FA2H: variants seen among roughly 807,000 people sequenced by gnomAD.
The protein encoded by FA2H is fatty acid alpha-hydroxylase.
Under a neutral mutation model 44.9 loss-of-function variants are expected in FA2H, and 22 were observed. The observed-to-expected ratio is 0.49, with a 90% CI of 0.35 to 0.70. The LOEUF (loss-of-function observed/expected upper bound fraction) is 0.70. FA2H is among the 30% of genes least tolerant of loss of function. The probability of loss-of-function intolerance (pLI) is 0.01; values close to 1 mark genes in which losing one functional copy is unlikely to be tolerated. For missense variants in FA2H, 501 were observed against 504.9 expected (o/e 0.99, Z 0.07); for synonymous variants, 243 against 213.2 (o/e 1.14, Z -1.22).
intron 1 of FA2H, among the ~76,000 whole-genome samples, chr16:74,767,231 C>G (rs1962826385): frequency 6.6e-6 from 1 of 152,018 alleles, no homozygotes; most frequent in Non-Finnish European, 1.5e-5. Context: ...ATTGCTTGAA[C>G]CTGGGAGGCG....
intron 1 of FA2H, among the ~76,000 whole-genome samples, chr16:74,751,238 G>T (rs1962521377): frequency 6.6e-6 from 1 of 151,956 alleles, no homozygotes; most frequent in Non-Finnish European, 1.5e-5. Flanking sequence ...GGGATTATAG[G>T]CATGCACCAC....
At chr16:74,722,288 C>A (rs997837566) in intron 4 of FA2H, among the ~76,000 whole-genome samples, 22 of 152,164 alleles carry the variant, frequency 1.4e-4, no homozygotes, top group Admixed American at 1.3e-3. Context: ...GTAATCCCAG[C>A]ACTTTGAGAG....
chr16:74,772,481 T>C (rs1238576250), intron 1 of FA2H, among the ~76,000 whole-genome samples: 1 of 152,216 alleles, frequency 6.6e-6, no homozygotes, highest in African/African-American at 2.4e-5. Context: ...GTTTTGTTCA[T>C]TGATATCTCC....
intron 1 of FA2H, among the ~76,000 whole-genome samples, chr16:74,747,280 CAGCCTGGGTGACAG>C (rs1962441976): frequency 6.6e-6 from 1 of 151,940 alleles, no homozygotes; most frequent in Admixed American, 6.6e-5. Flanking sequence ...CACTGCACTC[CAGCCTGGGTGACAG>C]AGCAAGACTC....
chr16:74,774,492 C>T lies in FA2H; in HGVS notation c.264G>A (p.Glu88=), dbSNP rs541909354. 16 of 1,516,514 alleles carry T rather than the reference C, an allele frequency of 1.1e-5. No homozygotes were observed. Among genetic ancestry groups the T allele is most frequent in the East Asian group, 2.6e-5 (1 of 39,008 alleles). The allele number at this position is 1,516,514 out of a possible 1,614,324, so 93.9% of individuals were successfully genotyped here. ...EQYYVGELRG[E]QQGSMENEPV... is the part of the protein sequence containing the mutation. ...GGCCCCGGCCCGGCTGTACCTGCTG[C>T]TCCCCGCGGAGCTCTCCCACGTAGT... Residue 88 remains glutamate (E), a synonymous_variant, in exon 1 of 7, where the codon GAG becomes GAA. Coordinates refer to ENST00000219368, the MANE Select transcript of FA2H (RefSeq NM_024306.5).
intron 1 of FA2H, among the ~76,000 whole-genome samples, chr16:74,765,514 T>A (rs1962793349): frequency 6.6e-6 from 1 of 152,164 alleles, no homozygotes; most frequent in South Asian, 2.1e-4. Flanking sequence ...ATTATGCACG[T>A]ACCTCAGTTT....
chr16:74,736,644 T>TC (rs1962186942), intron 2 of FA2H, among the ~76,000 whole-genome samples: 1 of 152,216 alleles, frequency 6.6e-6, no homozygotes, highest in African/African-American at 2.4e-5. Context: ...AAGAGGCTGA[T>TC]CACACCCATT....
intron 1 of FA2H, among the ~76,000 whole-genome samples, chr16:74,748,706 C>G (rs1266660367): frequency 1.3e-5 from 2 of 152,048 alleles, no homozygotes; most frequent in African/African-American, 4.8e-5. Flanking sequence ...AAAGTCTGCG[C>G]TCTGCACCAC....
intron 1 of FA2H, among the ~76,000 whole-genome samples, chr16:74,755,844 C>G (rs1300963821): frequency 6.6e-6 from 1 of 151,836 alleles, no homozygotes; most frequent in African/African-American, 2.4e-5. Context: ...ATTTGGCTCT[C>G]TTTTCCCCCT....
chr16:74,761,515 G>A (rs954837478), intron 1 of FA2H, among the ~76,000 whole-genome samples: 2 of 152,004 alleles, frequency 1.3e-5, no homozygotes, highest in Admixed American at 1.3e-4. Context: ...ATACACTTAA[G>A]GTGTGTTACT....
At position 74,774,814 on chromosome 16, in the gene FA2H, C is replaced by A; in HGVS notation, c.-59G>T. ...GCGTCTGCTCTGCTGCCACCCTGAG[C>A]GCCTCTAACATCCCGGGAGCCCCGC... is the stretch of plus-strand genomic sequence containing the variant. On this transcript the variant is annotated 5_prime_UTR_variant, in exon 1 of 7. Coordinates refer to ENST00000219368, the MANE Select transcript of FA2H (RefSeq NM_024306.5). 1 of 1,252,264 alleles carries A rather than the reference C, an allele frequency of 8.0e-7. No individual in the cohort carries two copies. Among genetic ancestry groups the A allele is most frequent in the East Asian group, 3.3e-5 (1 of 30,634 alleles). The allele number at this position is 1,252,264 out of a possible 1,614,324, so 77.6% of individuals were successfully genotyped here. A position where few individuals can be genotyped will look rare whatever the true frequency, so the allele number is the denominator to read the frequency against.
In FA2H at chr16:74,718,624, C is replaced by G. The variant is rs112651041; in HGVS notation, c.786+364G>C. On this transcript the variant is annotated intron_variant, in intron 5 of 6. Transcript: ENST00000219368. ...CTGTTTTCAGCACAAGCTCCAGGAGCGCAAGGCTTTTTGTTGTTTTGTTCA... is the reference window on the plus strand; with the variant it reads ...CTGTTTTCAGCACAAGCTCCAGGAGGGCAAGGCTTTTTGTTGTTTTGTTCA... 3.4e-3 allele frequency among the ~76,000 whole-genome samples: 511 copies of G among 152,292 alleles called. 2 individuals are homozygous for G. The highest frequency in any genetic ancestry group is 0.012 in the African/African-American group (485 of 41,568).
intron 4 of FA2H, among the ~76,000 whole-genome samples, chr16:74,724,958 G>A (rs998786655): frequency 1.3e-5 from 2 of 152,304 alleles, no homozygotes; most frequent in Middle Eastern, 3.4e-3. Context: ...TTCCCCCTCC[G>A]GCTGCCAGCC....
At chr16:74,720,886 C>T (rs1313610352) in intron 4 of FA2H, among the ~76,000 whole-genome samples, 1 of 152,210 alleles carries the variant, frequency 6.6e-6, no homozygotes, top group Non-Finnish European at 1.5e-5. Context: ...TCAACATTCA[C>T]CCATGTTGTA....
chr16:74,757,220 C>T (rs190477895), intron 1 of FA2H, among the ~76,000 whole-genome samples: 12 of 152,176 alleles, frequency 7.9e-5, no homozygotes, highest in East Asian at 3.9e-4. Context: ...TTACTAAAAA[C>T]GTGCAAAAAG....
At chr16:74,715,883 TTAGCTCACTG>T (rs1387968379) in intron 6 of FA2H, among the ~76,000 whole-genome samples, 1 of 151,800 alleles carries the variant, frequency 6.6e-6, no homozygotes, top group Non-Finnish European at 1.5e-5. Flanking sequence ...TGGTGCAATC[TTAGCTCACTG>T]TAGCTTCTGC....
chr16:74,719,943 A>G (rs1180343653), intron 4 of FA2H, among the ~76,000 whole-genome samples: 2 of 151,976 alleles, frequency 1.3e-5, no homozygotes, highest in African/African-American at 4.8e-5. Context: ...ATCTCAACAG[A>G]CAAGACCTGA....
chr16:74,720,630 GCTT>G (rs1567634597), intron 4 of FA2H, among the ~76,000 whole-genome samples: 1 of 152,010 alleles, frequency 6.6e-6, no homozygotes, highest in Non-Finnish European at 1.5e-5. Flanking sequence ...ATAATTCAGT[GCTT>G]TTTAGTACAC....
At chr16:74,747,660 A>C (rs1962450926) in intron 1 of FA2H, among the ~76,000 whole-genome samples, 1 of 152,126 alleles carries the variant, frequency 6.6e-6, no homozygotes, top group Admixed American at 6.6e-5. Context: ...ATGCCTCTCC[A>C]AGCCAAGGAT....
Sources: gnomAD v4.1 joint callset for allele counts (sites outside exome capture counted in the v4.1 genomes callset) on GRCh38, gnomAD v4.1.1 for gene constraint, MANE v1.5 for transcripts, NCBI Gene and HGNC (gene_info 2026-07-23, HGNC 2026-07-21) for gene names.